The following CEP112 variants were observed in gnomAD, a reference collection of about 807,000 sequenced individuals.
CEP112 encodes the protein centrosomal protein of 112 kDa.
In CEP112, 127 loss-of-function variants were observed where a neutral mutation model predicts 153.0. The observed-to-expected ratio is 0.83, with a 90% CI of 0.72 to 0.96. CEP112 has a LOEUF of 0.96. Among genes scored for constraint, CEP112 ranks in the 40% least tolerant of loss-of-function variants. CEP112 has a pLI of 0.00. For synonymous variants in CEP112, 358 were observed against 374.4 expected, an observed-to-expected ratio of 0.96 and a Z score of 0.51; for missense variants, 1,089 against 1,101.2, an observed-to-expected ratio of 0.99 and a Z score of 0.16.
chr17:66,041,560 G>T (rs1257303661), intron 12 of CEP112, among the ~76,000 whole-genome samples: 2 of 152,054 alleles, frequency 1.3e-5, no homozygotes, highest in Non-Finnish European at 2.9e-5. Context: ...AGGTGAGAGG[G>T]TGCAAGAGAA....
intron 21 of CEP112, among the ~76,000 whole-genome samples, chr17:65,772,510 CT>C (rs1262098473): frequency 6.6e-6 from 1 of 151,878 alleles, no homozygotes; most frequent in Non-Finnish European, 1.5e-5. Context: ...GGATAAATCT[CT>C]TAAGTGTTAG....
intron 20 of CEP112, among the ~76,000 whole-genome samples, chr17:65,859,988 C>G (rs1282238928): frequency 6.8e-6 from 1 of 147,098 alleles, no homozygotes. Flanking sequence ...GCACTGCAGC[C>G]CAGGAGACAG....
chr17:65,977,676 C>A (rs11870787), intron 17 of CEP112, among the ~76,000 whole-genome samples: 5,904 of 152,286 alleles, frequency 0.039, 166 homozygotes, highest in South Asian at 0.11. Flanking sequence ...TACAGTGGCT[C>A]ATGCCTATAA....
At chr17:65,662,642 A>G (rs2046446244) in intron 24 of CEP112, among the ~76,000 whole-genome samples, 1 of 152,156 alleles carries the variant, frequency 6.6e-6, no homozygotes, top group Non-Finnish European at 1.5e-5. Flanking sequence ...CTCAACAATC[A>G]CTGGTGGCTG....
chr17:65,726,641 G>C (rs1672339353), intron 23 of CEP112, among the ~76,000 whole-genome samples: 1 of 152,126 alleles, frequency 6.6e-6, no homozygotes, highest in African/African-American at 2.4e-5. Flanking sequence ...AGAAGAGTTT[G>C]ATCATGATGT....
At chr17:66,165,510 G>A (rs2071916253) in intron 4 of CEP112, among the ~76,000 whole-genome samples, 1 of 152,152 alleles carries the variant, frequency 6.6e-6, no homozygotes, top group Non-Finnish European at 1.5e-5. Context: ...AAGAAGGAAA[G>A]GTATTGATTG....
chr17:65,657,204 C>A (rs1248552174), intron 24 of CEP112, among the ~76,000 whole-genome samples: 1 of 152,190 alleles, frequency 6.6e-6, no homozygotes, highest in Non-Finnish European at 1.5e-5. Flanking sequence ...ACTCATGCCT[C>A]TTTTCTTCTA....
At chr17:65,706,640 T>C (rs963732424) in intron 23 of CEP112, among the ~76,000 whole-genome samples, 3 of 152,376 alleles carry the variant, frequency 2.0e-5, no homozygotes, top group Non-Finnish European at 2.9e-5. Context: ...AATCTAATTA[T>C]GTTCCTATAT....
At chr17:65,932,724 A>C (rs1474590597) in intron 18 of CEP112, among the ~76,000 whole-genome samples, 1 of 152,122 alleles carries the variant, frequency 6.6e-6, no homozygotes. Flanking sequence ...CACGTTTAAC[A>C]ACCGGATCTC....
chr17:65,952,395 A>G (rs1338776198), intron 18 of CEP112, among the ~76,000 whole-genome samples: 2 of 151,986 alleles, frequency 1.3e-5, no homozygotes, highest in Non-Finnish European at 2.9e-5. Flanking sequence ...TTCTGCTTGC[A>G]TATTCTTTCA....
rs57598697 is a variant in CEP112, at chr17:65,950,699, C to CTATTAGTAGTAGTAGTAGTAG, written c.1872+10763_1872+10764insCTACTACTACTACTACTAATA. Among the ~76,000 whole-genome samples, 259 of 147,184 alleles carry CTATTAGTAGTAGTAGTAGTAG rather than the reference C, an allele frequency of 1.8e-3. 1 individual carries two copies. The highest frequency in any genetic ancestry group is 5.9e-3 in the African/African-American group (239 of 40,268). ...CTTTCTTTCCATTCTGGATACATTA[C>CTATTAGTAGTAGTAGTAGTAG]TAGTAGTAGTAGTAGTAGTAGTAGT... is the stretch of plus-strand genomic sequence containing the variant. On this transcript the variant is annotated intron_variant, in intron 18 of 26. Transcript: ENST00000535342.
At chr17:65,912,692 T>A (rs903810582) in intron 19 of CEP112, among the ~76,000 whole-genome samples, 6 of 152,308 alleles carry the variant, frequency 3.9e-5, no homozygotes, top group African/African-American at 7.2e-5. Flanking sequence ...CCACATTTTT[T>A]AAAAATAAAG....
chr17:65,810,376 A>C (rs1429326999), intron 21 of CEP112, among the ~76,000 whole-genome samples: 1 of 152,066 alleles, frequency 6.6e-6, no homozygotes, highest in African/African-American at 2.4e-5. Context: ...TGTGATTGGA[A>C]TATGGGTCAT....
At position 65,743,813 on chromosome 17, in the gene CEP112, G is replaced by C. The variant is rs543187601; in HGVS notation, c.2458-596C>G. 8.8e-4 allele frequency among the ~76,000 whole-genome samples: 134 copies of C among 151,766 alleles called. 1 individual carries two copies. Among genetic ancestry groups the C allele is most frequent in the African/African-American group, 3.1e-3 (129 of 41,378 alleles). On this transcript the variant is annotated intron_variant, in intron 22 of 26. Coordinates refer to ENST00000535342, the MANE Select transcript of CEP112 (RefSeq NM_001199165.4). ...TTTCGTTCTTGTTGCCCAGGCTGGA[G>C]TGCAATGGCGTGATCTTGGCTCACT...
At chr17:65,701,309 G>A (rs2048621498) in intron 23 of CEP112, among the ~76,000 whole-genome samples, 1 of 152,186 alleles carries the variant, frequency 6.6e-6, no homozygotes, top group Non-Finnish European at 1.5e-5. Context: ...TGGCTAGGGT[G>A]CTGTCATTAA....
chr17:66,032,639 G>A (rs559624750), intron 12 of CEP112, among the ~76,000 whole-genome samples: 4 of 152,262 alleles, frequency 2.6e-5, no homozygotes, highest in African/African-American at 9.6e-5. Flanking sequence ...GAGCCTCTCT[G>A]GAAGAAGATA....
chr17:66,027,315 T>A (rs1206319883), intron 16 of CEP112, among the ~76,000 whole-genome samples, 186 bp downstream of exon 16: 3 of 151,952 alleles, frequency 2.0e-5, no homozygotes, highest in Non-Finnish European at 4.4e-5. Flanking sequence ...AGGCAGAAGC[T>A]ACAGTGAGCC....
intron 12 of CEP112, among the ~76,000 whole-genome samples, chr17:66,031,490 T>TGTTTTG (rs10666547): frequency 2.7e-5 from 4 of 147,598 alleles, no homozygotes; most frequent in African/African-American, 5.0e-5. Flanking sequence ...TTTTTTGTTT[T>TGTTTTG]TTTTTTTTTT....
intron 12 of CEP112, 97 bp downstream of exon 12, chr17:66,053,639 C>A: frequency 8.1e-7 from 1 of 1,228,422 alleles, no homozygotes. Context: ...GATTCTGTAA[C>A]ACACTTCTTT....
Sources: gnomAD v4.1 joint callset for allele counts (sites outside exome capture counted in the v4.1 genomes callset) on GRCh38, gnomAD v4.1.1 for gene constraint, MANE v1.5 for transcripts, NCBI Gene and HGNC (gene_info 2026-07-23, HGNC 2026-07-21) for gene names.